CSMD1: variants seen among roughly 807,000 people sequenced by gnomAD.
CSMD1 encodes CUB and Sushi multiple domains 1, also known as CUB and sushi domain-containing protein 1.
CSMD1 carries 213 observed loss-of-function variants against 417.5 expected under a neutral mutation model. The ratio of observed to expected loss-of-function variants is 0.51; its 90% confidence interval spans 0.46 to 0.57. The LOEUF is 0.57. CSMD1 is among the 20% of genes least tolerant of loss of function. The pLI is 0.00. For synonymous variants in CSMD1, 2,862 were observed against 1,736.8 expected, an observed-to-expected ratio of 1.65 and a Z score of -16.11; for missense variants, 6,923 against 4,529.7, an observed-to-expected ratio of 1.53 and a Z score of -15.17.
rs73498542 is a variant in CSMD1 at position 4,233,023 on chromosome 8, T to G, written c.415+186930A>C. On this transcript the variant is annotated intron_variant, in intron 3 of 69. Transcript: ENST00000635120. ...ACGTGGTGTCATGTCTACATGCACC[T>G]GCAGATCAAAACCACAAGGATATGT... Among the ~76,000 whole-genome samples the G allele has an allele frequency of 2.6e-3, 399 of 152,280 alleles. 1 individual carries two copies. Among genetic ancestry groups the G allele is most frequent in the African/African-American group, 9.3e-3 (386 of 41,574 alleles).
intron 1 of CSMD1, among the ~76,000 whole-genome samples, chr8:4,674,243 T>A (rs978978329): frequency 6.6e-6 from 1 of 152,108 alleles, no homozygotes; most frequent in Non-Finnish European, 1.5e-5. Flanking sequence ...CTAGTGGTCC[T>A]GAGTTGAAAA....
intron 3 of CSMD1, among the ~76,000 whole-genome samples, chr8:4,158,583 G>A (rs936046400): frequency 4.6e-5 from 7 of 152,210 alleles, no homozygotes; most frequent in Middle Eastern, 3.4e-3. Context: ...AACAGTCCTC[G>A]TTCCCCTCCT....
At chr8:3,582,015 G>C (rs1242133716) in intron 9 of CSMD1, among the ~76,000 whole-genome samples, 1 of 152,118 alleles carries the variant, frequency 6.6e-6, no homozygotes, top group Non-Finnish European at 1.5e-5. Flanking sequence ...GGTTGGTCTT[G>C]AACTCCTGAC....
chr8:4,344,209 G>C (rs1185313510), intron 3 of CSMD1, among the ~76,000 whole-genome samples: 2 of 152,076 alleles, frequency 1.3e-5, no homozygotes, highest in Non-Finnish European at 2.9e-5. Flanking sequence ...TCTCCATGGA[G>C]ACTTTCCTCT....
At chr8:4,496,833 A>C (rs1585166324) in intron 2 of CSMD1, among the ~76,000 whole-genome samples, 1 of 152,156 alleles carries the variant, frequency 6.6e-6, no homozygotes, top group African/African-American at 2.4e-5. Context: ...CAAGGTTTAG[A>C]AAAATGAGTT....
intron 3 of CSMD1, 52 bp from the exon 4 acceptor site, chr8:4,032,151 G>T (rs920759768): frequency 5.7e-6 from 8 of 1,404,918 alleles, no homozygotes; most frequent in African/African-American, 2.8e-5. Context: ...TTTCCATGGA[G>T]AGCCACTTAT....
intron 57 of CSMD1, among the ~76,000 whole-genome samples, chr8:2,970,886 T>G (rs1278938943): frequency 6.6e-6 from 1 of 152,228 alleles, no homozygotes; most frequent in Non-Finnish European, 1.5e-5. Context: ...CACTTTGTTA[T>G]AACTACAGGA....
chr8:3,608,816 G>C (rs1014196001), intron 8 of CSMD1, among the ~76,000 whole-genome samples: 9 of 151,412 alleles, frequency 5.9e-5, no homozygotes, highest in African/African-American at 1.9e-4. Context: ...GCCAATGCTA[G>C]TCTATGTGGA....
rs150574650 is a variant in CSMD1, at chr8:4,251,231, A to T, written c.415+168722T>A. On this transcript the variant is annotated intron_variant, in intron 3 of 69. Coordinates refer to ENST00000635120, the MANE Select transcript of CSMD1 (RefSeq NM_033225.6). ...AATAAAACCTATAACAGCTAACAAT[A>T]TATGTTTCCCTCACCAATCACATGG... Among the ~76,000 whole-genome samples, 487 of 152,268 alleles carry T rather than the reference A, an allele frequency of 3.2e-3. 1 individual carries two copies. Among genetic ancestry groups the T allele is most frequent in the African/African-American group, 0.011 (460 of 41,546 alleles).
intron 3 of CSMD1, among the ~76,000 whole-genome samples, chr8:4,179,715 C>A (rs867512163): frequency 6.7e-6 from 1 of 148,216 alleles, no homozygotes; most frequent in Non-Finnish European, 1.5e-5. Flanking sequence ...CTACAATGAA[C>A]TCCAACAAAT....
At chr8:3,467,394 A>C (rs183933617) in intron 12 of CSMD1, among the ~76,000 whole-genome samples, 1 of 152,216 alleles carries the variant, frequency 6.6e-6, no homozygotes, top group Non-Finnish European at 1.5e-5. Context: ...GGAAAATATG[A>C]TATCTCCACC....
chr8:3,646,428 T>C (rs1427013033), intron 7 of CSMD1, among the ~76,000 whole-genome samples: 2 of 152,316 alleles, frequency 1.3e-5, no homozygotes, highest in African/African-American at 4.8e-5. Context: ...TAACTCAAAA[T>C]TAAGAACCTT....
chr8:3,947,595 T>A (rs1043173160), intron 5 of CSMD1, among the ~76,000 whole-genome samples: 1 of 152,186 alleles, frequency 6.6e-6, no homozygotes, highest in Non-Finnish European at 1.5e-5. Context: ...TATATAGAAG[T>A]GTTTTGTTTA....
chr8:3,353,959 A>G (rs1253715944), intron 21 of CSMD1, among the ~76,000 whole-genome samples: 1 of 152,178 alleles, frequency 6.6e-6, no homozygotes, highest in Non-Finnish European at 1.5e-5. Context: ...TTCCTGTCTC[A>G]GTCTGCTTGG....
intron 5 of CSMD1, among the ~76,000 whole-genome samples, chr8:3,942,191 T>C (rs1264579393): frequency 6.6e-6 from 1 of 151,976 alleles, no homozygotes; most frequent in Non-Finnish European, 1.5e-5. Flanking sequence ...CTCCCACTGA[T>C]TCTACATTAT....
chr8:4,188,629 C>A (rs546262160), intron 3 of CSMD1, among the ~76,000 whole-genome samples: 1 of 152,136 alleles, frequency 6.6e-6, no homozygotes, highest in Admixed American at 6.5e-5. Context: ...AAGATTCCCG[C>A]CTTTTATCTA....
chr8:4,408,821 G>A (rs892303966), intron 3 of CSMD1, among the ~76,000 whole-genome samples: 1 of 152,090 alleles, frequency 6.6e-6, no homozygotes, highest in Non-Finnish European at 1.5e-5. Context: ...CAATAAAGGG[G>A]GAAACCTTTT....
intron 7 of CSMD1, among the ~76,000 whole-genome samples, chr8:3,706,622 C>T (rs1221477560): frequency 6.6e-6 from 1 of 152,156 alleles, no homozygotes; most frequent in Non-Finnish European, 1.5e-5. Flanking sequence ...AAAAGCTCTG[C>T]CTCAATCTTA....
intron 3 of CSMD1, among the ~76,000 whole-genome samples, chr8:4,086,954 A>T (rs187294919): frequency 3.3e-5 from 5 of 152,340 alleles, no homozygotes; most frequent in Admixed American, 1.3e-4. Flanking sequence ...TGGTTTGGGT[A>T]AATTACCAGA....
Sources: gnomAD v4.1 joint callset for allele counts (sites outside exome capture counted in the v4.1 genomes callset) on GRCh38, gnomAD v4.1.1 for gene constraint, MANE v1.5 for transcripts, NCBI Gene and HGNC (gene_info 2026-07-23, HGNC 2026-07-21) for gene names.